The following FGGY variants were observed in gnomAD, a reference collection of about 807,000 sequenced individuals.
FGGY encodes FGGY carbohydrate kinase domain containing, also known as FGGY carbohydrate kinase domain-containing protein.
Under a neutral mutation model 71.3 loss-of-function variants are expected in FGGY, and 72 were observed. The ratio of observed to expected loss-of-function variants is 1.01; its 90% confidence interval spans 0.84 to 1.23. The LOEUF (loss-of-function observed/expected upper bound fraction) is 1.23, where lower values mean the gene tolerates loss of function less well. Among genes scored for constraint, FGGY ranks in the 50% most tolerant of loss-of-function variants. The pLI is 0.00. For synonymous variants in FGGY, 251 were observed against 250.3 expected, an observed-to-expected ratio of 1.00 and a Z score of -0.02; for missense variants, 668 against 682.3, an observed-to-expected ratio of 0.98 and a Z score of 0.23.
At chr1:59,449,608 T>C (rs1236048178) in intron 5 of FGGY, among the ~76,000 whole-genome samples, 1 of 152,226 alleles carries the variant, frequency 6.6e-6, no homozygotes, top group African/African-American at 2.4e-5. Context: ...TGCATCTTTT[T>C]ACTCTTTATC....
intron 8 of FGGY, among the ~76,000 whole-genome samples, chr1:59,565,176 C>T (rs961938947): frequency 4.6e-5 from 7 of 152,034 alleles, no homozygotes; most frequent in Non-Finnish European, 1.0e-4. Context: ...TTTTTTTAAC[C>T]CTCATAATAA....
intron 5 of FGGY, among the ~76,000 whole-genome samples, chr1:59,395,581 C>T (rs2061230394): frequency 6.6e-6 from 1 of 152,094 alleles, no homozygotes; most frequent in Non-Finnish European, 1.5e-5. Context: ...GTTGGCAGTT[C>T]TAGAGGTAGA....
intron 5 of FGGY, among the ~76,000 whole-genome samples, chr1:59,455,843 C>T (rs1274142909): frequency 1.3e-5 from 2 of 152,124 alleles, no homozygotes; most frequent in Non-Finnish European, 2.9e-5. Context: ...ATGAGTTTTC[C>T]CAACAGATGG....
chr1:59,570,401 G>A lies in FGGY; in HGVS notation c.903+16174G>A, dbSNP rs149785883. Among the ~76,000 whole-genome samples the A allele has an allele frequency of 1.0e-3, 159 of 152,300 alleles. 2 individuals carry two copies. The highest frequency in any genetic ancestry group is 3.7e-3 in the African/African-American group (152 of 41,572). On this transcript the variant is annotated intron_variant, in intron 8 of 15. Coordinates refer to ENST00000303721, the MANE Select transcript of FGGY (RefSeq NM_018291.5). The stretch of plus-strand genomic sequence containing the variant: ...ATGTAAAATGAAGGAAAACAAGTTT[G>A]AGAATCAGTCAGTTCCTGCCAGATT...
At chr1:59,686,276 A>G (rs1239897757) in intron 14 of FGGY, among the ~76,000 whole-genome samples, 2 of 152,150 alleles carry the variant, frequency 1.3e-5, no homozygotes, top group Non-Finnish European at 2.9e-5. Flanking sequence ...TTACTGACCT[A>G]GGAGTGTCTC....
intron 10 of FGGY, among the ~76,000 whole-genome samples, chr1:59,630,165 C>T (rs1476955996): frequency 6.6e-6 from 1 of 152,132 alleles, no homozygotes; most frequent in Admixed American, 6.6e-5. Context: ...GTCACTATCA[C>T]AAGAACAGCA....
At chr1:59,607,747 C>G in intron 8 of FGGY, 56 bp from the exon 9 acceptor site, 1 of 1,358,848 alleles carries the variant, frequency 7.4e-7, no homozygotes, top group Non-Finnish European at 1.0e-6. Context: ...GGAGGAGAAC[C>G]CTTCCCCTAC....
At chr1:59,316,475 C>T (rs556664718) in intron 1 of FGGY, 1 of 152,288 alleles carries the variant, frequency 6.6e-6, no homozygotes, top group African/African-American at 2.4e-5. Flanking sequence ...CTTGTACCCC[C>T]TTCTTAGGAT....
At chr1:59,688,320 C>G (rs1216255371) in intron 14 of FGGY, among the ~76,000 whole-genome samples, 4 of 152,146 alleles carry the variant, frequency 2.6e-5, no homozygotes, top group African/African-American at 9.7e-5. Flanking sequence ...AGTGATTTAC[C>G]CAAAGTCACA....
At chr1:59,360,677 A>G (rs116382607) in intron 4 of FGGY, among the ~76,000 whole-genome samples, 29 of 152,370 alleles carry the variant, frequency 1.9e-4, no homozygotes, top group African/African-American at 7.0e-4. Context: ...AGTGACAGAA[A>G]AAGTTGATTG....
intron 11 of FGGY, among the ~76,000 whole-genome samples, chr1:59,659,144 G>A (rs2097251217): frequency 6.6e-6 from 1 of 152,196 alleles, no homozygotes; most frequent in African/African-American, 2.4e-5. Context: ...GGAGGTTGCA[G>A]TGAGCCAAGA....
At chr1:59,483,993 G>A (rs1383588366) in intron 6 of FGGY, among the ~76,000 whole-genome samples, 1 of 152,130 alleles carries the variant, frequency 6.6e-6, no homozygotes, top group Non-Finnish European at 1.5e-5. Context: ...TGTTGAGTGT[G>A]CATTATATGC....
At chr1:59,477,618 A>T (rs1358665223) in intron 6 of FGGY, among the ~76,000 whole-genome samples, 1 of 152,202 alleles carries the variant, frequency 6.6e-6, no homozygotes, top group Non-Finnish European at 1.5e-5. Context: ...CTAGAAAGAC[A>T]TTAAAAATTC....
intron 5 of FGGY, among the ~76,000 whole-genome samples, chr1:59,395,804 A>G (rs2061259116): frequency 6.6e-6 from 1 of 152,230 alleles, no homozygotes; most frequent in African/African-American, 2.4e-5. Context: ...AATGATTGGC[A>G]GAGTTGGGAT....
At chr1:59,622,695 A>G (rs2096822006) in intron 9 of FGGY, among the ~76,000 whole-genome samples, 1 of 152,066 alleles carries the variant, frequency 6.6e-6, no homozygotes, top group Non-Finnish European at 1.5e-5. Context: ...CCTAGCTACT[A>G]TGGTTGCCTT....
chr1:59,702,274 CA>C (rs2097716463), intron 14 of FGGY, among the ~76,000 whole-genome samples: 2 of 152,234 alleles, frequency 1.3e-5, no homozygotes, highest in South Asian at 4.1e-4. Context: ...GGTATAAAGC[CA>C]AAAGGCATTT....
chr1:59,750,420 C>T (rs930042491), intron 14 of FGGY, among the ~76,000 whole-genome samples: 2 of 152,036 alleles, frequency 1.3e-5, no homozygotes, highest in African/African-American at 4.8e-5. Flanking sequence ...ATATAGTACA[C>T]ATAAGGTGAA....
chr1:59,491,756 AC>A (rs1283470268), intron 6 of FGGY, among the ~76,000 whole-genome samples: 2 of 151,616 alleles, frequency 1.3e-5, no homozygotes, highest in East Asian at 3.9e-4. Flanking sequence ...ATACATAGAT[AC>A]CTATTTTAAA....
intron 4 of FGGY, among the ~76,000 whole-genome samples, chr1:59,360,471 A>G (rs1220304116): frequency 6.6e-6 from 1 of 152,146 alleles, no homozygotes; most frequent in East Asian, 1.9e-4. Context: ...GTGGTGAAGG[A>G]GTACTGAGTT....
Sources: gnomAD v4.1 joint callset for allele counts (sites outside exome capture counted in the v4.1 genomes callset) on GRCh38, gnomAD v4.1.1 for gene constraint, MANE v1.5 for transcripts, NCBI Gene and HGNC (gene_info 2026-07-23, HGNC 2026-07-21) for gene names.